Variants in CNTN4 observed in about 807,000 individuals in gnomAD.
CNTN4 encodes the protein contactin 4, also known as contactin-4.
A neutral mutation model predicts 122.5 loss-of-function variants in CNTN4; 77 were observed. The observed-to-expected ratio is 0.63, with a 90% CI of 0.52 to 0.76. CNTN4 has a LOEUF of 0.76. Ranked by LOEUF, CNTN4 falls within the 30% of genes least tolerant of loss-of-function variation. The pLI is 0.00. For synonymous variants in CNTN4, 512 were observed against 447.0 expected (o/e 1.15, Z -1.83); for missense variants, 1,256 against 1,259.1 (o/e 1.00, Z 0.04).
intron 4 of CNTN4, among the ~76,000 whole-genome samples, chr3:2,584,339 C>T (rs2080081336): frequency 6.6e-6 from 1 of 151,762 alleles, no homozygotes; most frequent in Non-Finnish European, 1.5e-5. Flanking sequence ...TGTCATTTTC[C>T]AGGTATCTAT....
chr3:2,871,416 G>T lies in CNTN4; in HGVS notation c.652+4467G>T, dbSNP rs186339539. Among the ~76,000 whole-genome samples, 44 of 152,176 alleles carry T rather than the reference G, an allele frequency of 2.9e-4. No individual in the cohort carries two copies. In the South Asian group the frequency reaches 4.8e-3, roughly 17 times the overall value. Reference sequence around the variant, plus strand: ...TAGTGGATAATGACAGGGAAAAGTGGAATAATACTCTCCAAAGTGACTAAC... The same window carrying T: ...TAGTGGATAATGACAGGGAAAAGTGTAATAATACTCTCCAAAGTGACTAAC... On this transcript the variant is annotated intron_variant, in intron 8 of 24. Coordinates refer to ENST00000418658, the MANE Select transcript of CNTN4 (RefSeq NM_175607.3).
intron 17 of CNTN4, among the ~76,000 whole-genome samples, chr3:3,036,206 G>A (rs1699589067): frequency 1.3e-5 from 2 of 152,174 alleles, no homozygotes; most frequent in South Asian, 4.1e-4. Flanking sequence ...ATGTTTTGAA[G>A]GAGAATATGC....
chr3:2,253,699 T>C (rs1414266012), intron 2 of CNTN4, among the ~76,000 whole-genome samples: 1 of 151,854 alleles, frequency 6.6e-6, no homozygotes, highest in Non-Finnish European at 1.5e-5. Flanking sequence ...TGGAGGGCAG[T>C]GGTGCCATCT....
chr3:2,956,765 T>C (rs2094803436), intron 13 of CNTN4, among the ~76,000 whole-genome samples: 1 of 152,132 alleles, frequency 6.6e-6, no homozygotes, highest in African/African-American at 2.4e-5. Context: ...TGCAATTTTA[T>C]ACTCTTTAAC....
At chr3:2,980,926 A>C (rs1046636897) in intron 13 of CNTN4, among the ~76,000 whole-genome samples, 6 of 152,130 alleles carry the variant, frequency 3.9e-5, no homozygotes, top group Admixed American at 2.0e-4. Context: ...CCTGGCCAGC[A>C]CCACCCTGTT....
At chr3:2,680,534 A>G (rs749431931) in intron 4 of CNTN4, among the ~76,000 whole-genome samples, 7 of 152,186 alleles carry the variant, frequency 4.6e-5, no homozygotes, top group Non-Finnish European at 7.3e-5. Flanking sequence ...TCTTCTAGAA[A>G]TATATTTCAT....
chr3:2,324,168 A>C, intron 2 of CNTN4, among the ~76,000 whole-genome samples: 1 of 152,304 alleles, frequency 6.6e-6, no homozygotes, highest in East Asian at 1.9e-4. Context: ...AGGGGGCAAG[A>C]AGAGCAGTTT....
chr3:2,154,433 A>G (rs987122980), intron 2 of CNTN4, among the ~76,000 whole-genome samples: 1 of 151,982 alleles, frequency 6.6e-6, no homozygotes, highest in African/African-American at 2.4e-5. Flanking sequence ...TCCAAATTAT[A>G]TTTTGTTCCA....
chr3:2,470,377 G>A (rs2075644049), intron 3 of CNTN4, among the ~76,000 whole-genome samples: 1 of 152,080 alleles, frequency 6.6e-6, no homozygotes, highest in Non-Finnish European at 1.5e-5. Flanking sequence ...GCCTGGCCAT[G>A]TTGCTTATTT....
At chr3:2,949,163 C>A (rs904488) in intron 13 of CNTN4, among the ~76,000 whole-genome samples, 9 of 152,120 alleles carry the variant, frequency 5.9e-5, no homozygotes, top group Admixed American at 1.3e-4. Context: ...TTCCCACTAA[C>A]TGAAACACTT....
intron 3 of CNTN4, among the ~76,000 whole-genome samples, chr3:2,543,705 A>C (rs1368297328): frequency 6.6e-6 from 1 of 152,172 alleles, no homozygotes; most frequent in East Asian, 1.9e-4. Flanking sequence ...GGACAGACAA[A>C]GAAAACCCTT....
At chr3:2,521,935 T>G (rs1465149330) in intron 3 of CNTN4, among the ~76,000 whole-genome samples, 2 of 152,074 alleles carry the variant, frequency 1.3e-5, no homozygotes, top group Non-Finnish European at 2.9e-5. Context: ...GAGAGTTGGC[T>G]CTAAGCTTTG....
At chr3:3,048,611 C>T (rs1232894318) in intron 23 of CNTN4, among the ~76,000 whole-genome samples, 1 of 151,820 alleles carries the variant, frequency 6.6e-6, no homozygotes, top group Non-Finnish European at 1.5e-5. Context: ...TCAGGAAACT[C>T]TCCCTAGTGT....
intron 3 of CNTN4, among the ~76,000 whole-genome samples, chr3:2,469,520 G>A (rs913259405): frequency 1.3e-5 from 2 of 152,220 alleles, no homozygotes; most frequent in Non-Finnish European, 2.9e-5. Flanking sequence ...ACTCTTAAAA[G>A]GAAAAATGCG....
chr3:2,581,940 G>A (rs73005752), intron 4 of CNTN4, among the ~76,000 whole-genome samples: 21,551 of 152,188 alleles, frequency 0.14, 1,971 homozygotes, highest in Middle Eastern at 0.22. Flanking sequence ...GTCCAGAATA[G>A]ACAAAGCCAT....
At chr3:2,565,544 A>C (rs1461340540) in intron 3 of CNTN4, among the ~76,000 whole-genome samples, 4 of 152,290 alleles carry the variant, frequency 2.6e-5, no homozygotes, top group East Asian at 3.9e-4. Context: ...TACTCATTTG[A>C]CATATAAACT....
rs1409394766 is a variant in CNTN4, at chr3:2,488,821, C to T, written c.-88-82595C>T. Among the ~76,000 whole-genome samples, 4 of 152,140 alleles carry T rather than the reference C, an allele frequency of 2.6e-5. 1 individual carries two copies. The highest frequency in any genetic ancestry group is 4.4e-5 in the Non-Finnish European group (3 of 68,030). On this transcript the variant is annotated intron_variant, in intron 3 of 24. Transcript: ENST00000418658. ...GCATAAACTTCTCTATGCATTAGTA[C>T]ATTAACATTCCCTTTAATTGAAATG...
At chr3:2,907,696 G>A (rs1019330887) in intron 12 of CNTN4, among the ~76,000 whole-genome samples, 1 of 152,184 alleles carries the variant, frequency 6.6e-6, no homozygotes, top group South Asian at 2.1e-4. Flanking sequence ...TTAATGTTGG[G>A]TGATAGCCCT....
rs966278134 is a variant in CNTN4, at chr3:2,699,502, A to C, written c.56-36713A>C. ...AGGTGTAAATTGAGAATAGATTTGC[A>C]CCTAAGTCTTCTTTGGTTGATTTCA... is the stretch of plus-strand genomic sequence containing the variant. On this transcript the variant is annotated intron_variant, in intron 4 of 24. Transcript: ENST00000418658. 3.3e-5 allele frequency among the ~76,000 whole-genome samples: 5 copies of C among 152,228 alleles called. No individual in the cohort carries two copies. In the East Asian group the frequency reaches 5.8e-4, roughly 18 times the overall value.
Sources: gnomAD v4.1 joint callset for allele counts (sites outside exome capture counted in the v4.1 genomes callset) on GRCh38, gnomAD v4.1.1 for gene constraint, MANE v1.5 for transcripts, NCBI Gene and HGNC (gene_info 2026-07-23, HGNC 2026-07-21) for gene names.